Variants in LMOD1 observed in about 807,000 individuals in gnomAD.
LMOD1 encodes the protein leiomodin 1, also known as leiomodin-1.
A neutral mutation model predicts 36.5 loss-of-function variants in LMOD1; 8 were observed. That is an observed-to-expected ratio of 0.22 (90% CI 0.13 to 0.40). The LOEUF (loss-of-function observed/expected upper bound fraction) is 0.40, where lower values mean the gene tolerates loss of function less well. Among genes scored for constraint, LMOD1 ranks in the 10% least tolerant of loss-of-function variants. LMOD1 has a pLI of 1.00. For missense variants in LMOD1, 630 were observed against 751.1 expected (o/e 0.84, Z 1.88); for synonymous variants, 284 against 288.7 (o/e 0.98, Z 0.17).
intron 1 of LMOD1, among the ~76,000 whole-genome samples, chr1:201,905,900 T>C (rs1288099923): frequency 1.3e-5 from 2 of 152,232 alleles, no homozygotes; most frequent in East Asian, 3.8e-4. Flanking sequence ...GTGATACCAC[T>C]GCCGTGAATT....
chr1:201,898,810 G>A (rs1036983400), intron 2 of LMOD1, among the ~76,000 whole-genome samples: 4 of 152,146 alleles, frequency 2.6e-5, no homozygotes, highest in African/African-American at 7.2e-5. Context: ...GAGACCTTTC[G>A]GATGGACTGA....
intron 1 of LMOD1, among the ~76,000 whole-genome samples, chr1:201,904,616 G>A (rs1279437280): frequency 6.6e-6 from 1 of 152,160 alleles, no homozygotes; most frequent in Non-Finnish European, 1.5e-5. Context: ...CCTACCCTGG[G>A]GTCCTAGTTG....
intron 1 of LMOD1, among the ~76,000 whole-genome samples, chr1:201,927,832 A>G (rs984373725): frequency 1.3e-5 from 2 of 152,164 alleles, no homozygotes; most frequent in Admixed American, 6.5e-5. Context: ...TTTCTTCCCT[A>G]TGAATTCAGA....
intron 1 of LMOD1, among the ~76,000 whole-genome samples, chr1:201,924,667 AAG>A (rs1390739485): frequency 0.084 from 492 of 5,854 alleles, 4 homozygotes; most frequent in Non-Finnish European, 0.15. Flanking sequence ...AAAGAAAAAA[AAG>A]AAAGAAAGAA....
intron 1 of LMOD1, among the ~76,000 whole-genome samples, chr1:201,933,865 A>T (rs918499598): frequency 2.6e-5 from 4 of 152,188 alleles, no homozygotes; most frequent in African/African-American, 9.7e-5. Flanking sequence ...GAATAAAAAT[A>T]AAATAGAGTG....
intron 1 of LMOD1, among the ~76,000 whole-genome samples, chr1:201,916,663 G>A (rs12086240): frequency 0.45 from 68,850 of 152,114 alleles, 16,595 homozygotes; most frequent in East Asian, 0.82. Context: ...GTGGGGAGGA[G>A]GGATGGATGG....
intron 1 of LMOD1, among the ~76,000 whole-genome samples, chr1:201,918,194 G>A (rs1214085124): frequency 6.6e-6 from 1 of 152,142 alleles, no homozygotes; most frequent in Non-Finnish European, 1.5e-5. Flanking sequence ...TGGGACATCA[G>A]CCTTGACGCT....
chr1:201,903,092 C>T (rs1429240221), intron 1 of LMOD1, among the ~76,000 whole-genome samples: 1 of 152,176 alleles, frequency 6.6e-6, no homozygotes, highest in African/African-American at 2.4e-5. Context: ...AGGAAAGCAG[C>T]TCTCTGTCGC....
intron 1 of LMOD1, among the ~76,000 whole-genome samples, chr1:201,909,901 C>T (rs1681466535): frequency 6.6e-6 from 1 of 152,178 alleles, no homozygotes; most frequent in Non-Finnish European, 1.5e-5. Context: ...CTTTTAACCT[C>T]TATGTTATGC....
At chr1:201,933,495 A>C (rs1449707307) in intron 1 of LMOD1, among the ~76,000 whole-genome samples, 1 of 149,366 alleles carries the variant, frequency 6.7e-6, no homozygotes, top group Non-Finnish European at 1.5e-5. Flanking sequence ...AGATACAAAA[A>C]ATACACACTC....
In LMOD1 at chr1:201,946,334, T is replaced by C; in HGVS notation, c.7A>G (p.Arg3Gly). 1 of 1,613,364 alleles carries C rather than the reference T, an allele frequency of 6.2e-7. No individual in the cohort carries two copies. The highest frequency in any genetic ancestry group is 1.1e-5 in the South Asian group (1 of 91,050). Residue 3 changes from arginine (R) to glycine (G), a missense_variant, in exon 1 of 3, where the codon AGA becomes GGA. Physicochemically the swap from Arg to Gly is moderately radical, Grantham distance 125. Around this residue, in one of 3 missense-constraint regions of LMOD1, gnomAD observed 405 missense variants for 400.6 expected, o/e 1.01. Coordinates refer to ENST00000367288, the MANE Select transcript of LMOD1 (RefSeq NM_012134.3). ...ACCTGCCGGCGATATTTGGCTACTC[T>C]AGACATCTTGGCAAAATGGGCTGTG... Reference protein sequence around the residue: MSRVAKYRRQVSE... With the variant: MSGVAKYRRQVSE...
At position 201,900,419 on chromosome 1, in the gene LMOD1, T is replaced by C. The variant is rs1338251151; in HGVS notation, c.594A>G (p.Thr198=). Residue 198 remains threonine (T), a synonymous_variant, in exon 2 of 3, where the codon ACA becomes ACG. Transcript: ENST00000367288. The stretch of plus-strand genomic sequence containing the variant: ...TTTTATCCTTGTCCCTGCTCAAGCC[T>C]GTGTTCCTGTCACTCCCTTTCTTCT... ...EEEKKGSDRN[T]GLSRDKDKKR... is the part of the protein sequence containing the mutation. The C allele has an allele frequency of 3.2e-6, 5 of 1,577,728 alleles. No homozygotes were observed. The highest frequency in any genetic ancestry group is 1.4e-5 in the African/African-American group (1 of 73,906).
chr1:201,926,285 AGTC>A (rs764738995), intron 1 of LMOD1, among the ~76,000 whole-genome samples: 4 of 152,080 alleles, frequency 2.6e-5, no homozygotes, highest in Non-Finnish European at 5.9e-5. Flanking sequence ...GTGCCCAGTG[AGTC>A]TTTTTTCTCT....
At chr1:201,920,359 T>C (rs1207178051) in intron 1 of LMOD1, among the ~76,000 whole-genome samples, 3 of 152,066 alleles carry the variant, frequency 2.0e-5, no homozygotes, top group African/African-American at 7.2e-5. Context: ...ACTACCCCAG[T>C]AAAATGACAT....
intron 1 of LMOD1, among the ~76,000 whole-genome samples, chr1:201,903,406 G>T (rs1037450609): frequency 6.6e-6 from 1 of 152,170 alleles, no homozygotes; most frequent in African/African-American, 2.4e-5. Flanking sequence ...TGGAGCAAGG[G>T]GCAGAGAGCT....
At chr1:201,931,535 CAAAA>C (rs11334173) in intron 1 of LMOD1, among the ~76,000 whole-genome samples, 11 of 82,458 alleles carry the variant, frequency 1.3e-4, no homozygotes, top group Admixed American at 2.9e-4. Context: ...GAGACTCTGT[CAAAA>C]AAAAAAAAAA....
chr1:201,924,323 CAAA>C (rs758572161), intron 1 of LMOD1, among the ~76,000 whole-genome samples: 1 of 40,160 alleles, frequency 2.5e-5, no homozygotes, highest in South Asian at 8.0e-4. Context: ...GACTCTGTCT[CAAA>C]AAAAAAAAAA....
chr1:201,925,072 C>T (rs1399806872), intron 1 of LMOD1, among the ~76,000 whole-genome samples: 1 of 152,056 alleles, frequency 6.6e-6, no homozygotes, highest in Non-Finnish European at 1.5e-5. Flanking sequence ...AAAAATTAGC[C>T]AGCATGGTGG....
At chr1:201,928,372 C>A (rs1187486516) in intron 1 of LMOD1, among the ~76,000 whole-genome samples, 2 of 152,342 alleles carry the variant, frequency 1.3e-5, no homozygotes, top group East Asian at 3.9e-4. Flanking sequence ...CTCCTTTGCT[C>A]CAGCCTCACT....
Sources: gnomAD v4.1 joint callset for allele counts (sites outside exome capture counted in the v4.1 genomes callset) on GRCh38, gnomAD v4.1.1 for gene constraint, gnomAD v4.1.1 regional missense constraint, MANE v1.5 for transcripts, NCBI Gene and HGNC (gene_info 2026-07-23, HGNC 2026-07-21) for gene names.